The following TYW1 variants were observed in gnomAD, a reference collection of about 807,000 sequenced individuals.
TYW1 encodes tRNA-yW synthesizing protein 1 homolog.
Under a neutral mutation model 96.2 loss-of-function variants are expected in TYW1, and 46 were observed. The ratio of observed to expected loss-of-function variants is 0.48; its 90% CI spans 0.38 to 0.61. The LOEUF is 0.61. TYW1 is among the 20% of genes least tolerant of loss of function. The pLI is 0.00. For synonymous variants in TYW1, 274 were observed against 323.0 expected (o/e 0.85, Z 1.63); for missense variants, 684 against 909.6 (o/e 0.75, Z 3.19).
intron 12 of TYW1, among the ~76,000 whole-genome samples, chr7:67,116,333 A>AAAAAAAG (rs1554368057): frequency 2.4e-4 from 36 of 150,298 alleles, no homozygotes; most frequent in Non-Finnish European, 3.1e-4. Context: ...TCAAAAAAAA[A>AAAAAAAG]AAAAGAAAAG....
chr7:67,068,131 C>G (rs554258881), intron 10 of TYW1, among the ~76,000 whole-genome samples: 1 of 151,768 alleles, frequency 6.6e-6, no homozygotes, highest in South Asian at 2.1e-4. Context: ...AAGTGATTCT[C>G]CTGTCTCAGC....
At chr7:67,047,494 G>A (rs907333933) in intron 7 of TYW1, among the ~76,000 whole-genome samples, 5 of 152,080 alleles carry the variant, frequency 3.3e-5, no homozygotes, top group Non-Finnish European at 7.4e-5. Flanking sequence ...AATGATCAAT[G>A]TTTGTTTATG....
At chr7:67,110,184 G>A (rs549919309) in intron 12 of TYW1, among the ~76,000 whole-genome samples, 110 of 152,320 alleles carry the variant, frequency 7.2e-4, no homozygotes, top group Middle Eastern at 6.8e-3. Flanking sequence ...CAGACAAGAA[G>A]CTCACCAATA....
intron 15 of TYW1, among the ~76,000 whole-genome samples, chr7:67,217,562 A>G (rs547602401): frequency 4.6e-5 from 7 of 152,206 alleles, no homozygotes; most frequent in African/African-American, 1.4e-4. Flanking sequence ...ATTTGACTAT[A>G]TTTGTTAGGG....
chr7:67,050,145 C>A, intron 8 of TYW1, 79 bp downstream of exon 8: 1 of 1,509,032 alleles, frequency 6.6e-7, no homozygotes, highest in East Asian at 2.3e-5. Flanking sequence ...AAGTCTCTCT[C>A]TAATTAGCTC....
At chr7:67,006,308 C>G (rs1793585747) in intron 3 of TYW1, among the ~76,000 whole-genome samples, 3 of 152,234 alleles carry the variant, frequency 2.0e-5, no homozygotes, top group South Asian at 4.1e-4. Context: ...TGCCTTCCAC[C>G]AATATTGGAA....
intron 7 of TYW1, among the ~76,000 whole-genome samples, chr7:67,034,148 G>A (rs1427852280): frequency 2.0e-5 from 3 of 149,878 alleles, no homozygotes; most frequent in African/African-American, 4.9e-5. Flanking sequence ...CTGTTGCCCA[G>A]GCCGGAGTGC....
intron 8 of TYW1, among the ~76,000 whole-genome samples, chr7:67,050,945 G>A (rs887987156): frequency 5.3e-5 from 8 of 151,414 alleles, no homozygotes; most frequent in Admixed American, 2.6e-4. Flanking sequence ...AGTCTGGAGT[G>A]CAGTGGCATA....
intron 12 of TYW1, among the ~76,000 whole-genome samples, chr7:67,109,811 C>T (rs374440284): frequency 1.3e-5 from 2 of 152,128 alleles, no homozygotes; most frequent in Non-Finnish European, 2.9e-5. Context: ...ACCCAGGAGG[C>T]GGAGGTTGCA....
intron 12 of TYW1, among the ~76,000 whole-genome samples, chr7:67,105,645 T>G (rs560454570): frequency 1.9e-4 from 29 of 152,342 alleles, no homozygotes; most frequent in African/African-American, 5.8e-4. Context: ...TCTTCAGCCC[T>G]GAGGCTGAGT....
At chr7:67,212,073 T>G (rs1801049044) in intron 15 of TYW1, among the ~76,000 whole-genome samples, 1 of 152,202 alleles carries the variant, frequency 6.6e-6, no homozygotes. Flanking sequence ...CAGTATCACT[T>G]AGAATAATTT....
intron 11 of TYW1, among the ~76,000 whole-genome samples, chr7:67,096,923 C>T (rs1228736130): frequency 1.3e-5 from 2 of 152,166 alleles, no homozygotes; most frequent in African/African-American, 4.8e-5. Flanking sequence ...ACCTGACAAA[C>T]CAAGCTGCAT....
intron 10 of TYW1, among the ~76,000 whole-genome samples, chr7:67,068,248 C>G (rs1412653943): frequency 6.6e-6 from 1 of 152,116 alleles, no homozygotes; most frequent in Non-Finnish European, 1.5e-5. Flanking sequence ...TTTTGAACTC[C>G]TGACCTCAGG....
chr7:67,070,638 A>G (rs1796002106), intron 10 of TYW1, among the ~76,000 whole-genome samples: 1 of 151,822 alleles, frequency 6.6e-6, no homozygotes, highest in Non-Finnish European at 1.5e-5. Context: ...ATTTGTTTAG[A>G]CATTGTTTTC....
At chr7:67,052,229 T>C (rs529904501) in intron 8 of TYW1, among the ~76,000 whole-genome samples, 15 of 152,276 alleles carry the variant, frequency 9.9e-5, no homozygotes, top group African/African-American at 3.6e-4. Flanking sequence ...CCATTATTTC[T>C]TCAAATATTC....
rs538396674 is a variant in TYW1, at chr7:67,148,674, G to A, written c.1698+31056G>A. ...TCTCGATCTCCTGACCTCGTTATCCGCCCACCTTGGCCTCCCAAAATGCTG... is the reference window on the plus strand; with the variant it reads ...TCTCGATCTCCTGACCTCGTTATCCACCCACCTTGGCCTCCCAAAATGCTG... On this transcript the variant is annotated intron_variant, in intron 13 of 15. Coordinates refer to ENST00000359626, the MANE Select transcript of TYW1 (RefSeq NM_018264.4). 1.1e-4 allele frequency among the ~76,000 whole-genome samples: 17 copies of A among 151,982 alleles called. No homozygotes were observed. In the South Asian group the frequency reaches 1.2e-3, roughly 11 times the overall value.
chr7:67,117,562 C>T lies in TYW1; in HGVS notation c.1642C>T (p.Leu548Phe). 1 of 1,614,088 alleles carries T rather than the reference C, an allele frequency of 6.2e-7. No homozygotes were observed. The highest frequency in any genetic ancestry group is 8.5e-7 in the Non-Finnish European group (1 of 1,179,998). The change falls in exon 13 of 16, where the codon CTC becomes TTC. Residue 548 changes from leucine to phenylalanine, a missense_variant. By Grantham distance (22) the Leu-to-Phe change is conservative. Coordinates refer to ENST00000359626, the MANE Select transcript of TYW1 (RefSeq NM_018264.4). ...KDSLKKIDRP[L>F]FKDFWQRFLD... is the part of the protein sequence containing the mutation. ...CAGCCTGAAGAAAATCGACCGCCCA[C>T]TCTTCAAGGATTTCTGGCAGAGATT... is the stretch of plus-strand genomic sequence containing the variant.
At chr7:67,183,357 T>G in intron 14 of TYW1, 121 bp downstream of exon 14, 2 of 820,886 alleles carry the variant, frequency 2.4e-6, no homozygotes, top group East Asian at 5.4e-5. Context: ...TATTGATGTA[T>G]TCATTTCGTG....
chr7:67,144,437 T>C (rs138749000), intron 13 of TYW1, among the ~76,000 whole-genome samples: 25 of 152,292 alleles, frequency 1.6e-4, no homozygotes, highest in African/African-American at 6.0e-4. Context: ...AGGTCACCTC[T>C]TTGTGTTGCT....
Sources: gnomAD v4.1 joint callset for allele counts (sites outside exome capture counted in the v4.1 genomes callset) on GRCh38, gnomAD v4.1.1 for gene constraint, MANE v1.5 for transcripts, NCBI Gene and HGNC (gene_info 2026-07-23, HGNC 2026-07-21) for gene names.